HPR: variants seen among roughly 807,000 people sequenced by gnomAD.
HPR encodes the protein haptoglobin-related protein, also known as Haptoglobin-related locus.
Under a neutral mutation model 18.5 loss-of-function variants are expected in HPR, and 17 were observed. The ratio of observed to expected loss-of-function variants is 0.92; its 90% CI spans 0.63 to 1.38. HPR has a LOEUF of 1.38. HPR is among the 40% of genes most tolerant of loss of function. HPR has a pLI of 0.00. For synonymous variants in HPR, 176 were observed against 165.0 expected, an observed-to-expected ratio of 1.07 and a Z score of -0.51; for missense variants, 457 against 432.4, an observed-to-expected ratio of 1.06 and a Z score of -0.51.
rs1177485827 is a variant in HPR, at chr16:72,076,750, A to G, written c.716A>G (p.Lys239Arg). ...AACTTTAAACTTACTGACCATCTGAAGTATGTCATGCTGCCTGTGGCTGAC... is the reference window on the plus strand; with the variant it reads ...AACTTTAAACTTACTGACCATCTGAGGTATGTCATGCTGCCTGTGGCTGAC... ...SDNFKLTDHL[K>R]YVMLPVADQY... is the part of the protein sequence containing the mutation. Residue 239 changes from lysine to arginine, a missense_variant, in exon 5 of 5, where the codon AAG (lysine) becomes AGG (arginine). Coordinates refer to ENST00000540303, the MANE Select transcript of HPR (RefSeq NM_020995.4). 2 of 1,614,190 alleles carry G rather than the reference A, an allele frequency of 1.2e-6. No individual in the cohort carries two copies. Among genetic ancestry groups the G allele is most frequent in the African/African-American group, 1.3e-5 (1 of 75,062 alleles).
chr16:72,069,931 T>C (rs1256253485), intron 1 of HPR, among the ~76,000 whole-genome samples: 10 of 152,206 alleles, frequency 6.6e-5, no homozygotes, highest in South Asian at 2.1e-4. Context: ...ATTGAAAACA[T>C]TGTACCCAGA....
Position 72,075,164 on chromosome 16 carries a change from T to C in HPR, c.213T>C (p.Asp71=). 5 of 1,399,260 alleles carry C rather than the reference T, an allele frequency of 3.6e-6. No individual in the cohort carries two copies. The South Asian group carries it at 6.1e-5, about 17-fold the overall frequency. 86.7% of individuals were successfully genotyped at this position (1,399,260 alleles called of 1,614,324 possible). The change falls in exon 4 of 5, where the codon GAT becomes GAC. Residue 71 remains aspartate (D), a synonymous_variant. Transcript: ENST00000540303. ...TEGDGVYTLN[D]KKQWINKAVG... Reference sequence around the variant, plus strand: ...TTTCAGGAGTATACACCTTAAATGATAAGAAGCAGTGGATAAATAAGGCTG... The same window carrying C: ...TTTCAGGAGTATACACCTTAAATGACAAGAAGCAGTGGATAAATAAGGCTG...
At chr16:72,072,757 G>A (rs552617736) in intron 1 of HPR, among the ~76,000 whole-genome samples, 4 of 152,132 alleles carry the variant, frequency 2.6e-5, no homozygotes, top group Admixed American at 6.5e-5. Flanking sequence ...CCTCCTCCTC[G>A]TTCCAGTGAG....
rs534386727 is a variant in HPR at position 72,074,418 on chromosome 16, C to G, written c.193+33C>G. The G allele has an allele frequency of 6.9e-5, 105 of 1,513,072 alleles. 1 individual carries two copies. In the South Asian group the frequency reaches 8.0e-4, roughly 12 times the overall value. 93.7% of individuals were successfully genotyped at this position (1,513,072 alleles called of 1,614,324 possible). A position where few individuals can be genotyped will look rare whatever the true frequency, so the allele number is the denominator to read the frequency against. On this transcript the variant is annotated intron_variant, in intron 3 of 4. Coordinates refer to ENST00000540303, the MANE Select transcript of HPR (RefSeq NM_020995.4). The stretch of plus-strand genomic sequence containing the variant: ...CTGGACAACTATCTCTGTGCTCTAC[C>G]TACAACCCCTGCTCTGACATTTCCA...
At chr16:72,073,745 T>C in intron 1 of HPR, 147 bp from the exon 2 acceptor site, 2 of 1,569,604 alleles carry the variant, frequency 1.3e-6, no homozygotes, top group Non-Finnish European at 1.7e-6. Context: ...GATTTTCTTT[T>C]CTGGCTGCTT....
intron 1 of HPR, among the ~76,000 whole-genome samples, chr16:72,072,790 G>A (rs774113698): frequency 2.0e-5 from 3 of 152,026 alleles, no homozygotes; most frequent in Non-Finnish European, 4.4e-5. Context: ...GAAGACCCAA[G>A]TAGAATAACA....
chr16:72,073,486 T>A (rs1481480072), intron 1 of HPR, among the ~76,000 whole-genome samples: 1 of 152,124 alleles, frequency 6.6e-6, no homozygotes, highest in Non-Finnish European at 1.5e-5. Flanking sequence ...ATTAGAAGTA[T>A]CTTTGGGGTG....
chr16:72,073,381 T>C (rs922304991), intron 1 of HPR, among the ~76,000 whole-genome samples: 4 of 152,320 alleles, frequency 2.6e-5, no homozygotes, highest in East Asian at 1.9e-4. Flanking sequence ...TCAACAATTA[T>C]ATATTTAAGG....
chr16:72,074,835 G>A (rs986857145), intron 3 of HPR: 1 of 646,722 alleles, frequency 1.5e-6, no homozygotes, highest in Non-Finnish European at 2.8e-6. Flanking sequence ...GACAGGTTGA[G>A]TATCTTGCCC....
At chr16:72,074,072 A>G (rs1414574323) in intron 2 of HPR, 95 bp downstream of exon 2, 1 of 1,527,130 alleles carries the variant, frequency 6.5e-7, no homozygotes, top group Non-Finnish European at 9.0e-7. Context: ...GAGAACACAC[A>G]GTTCCCCATT....
intron 1 of HPR, among the ~76,000 whole-genome samples, chr16:72,071,571 G>C (rs2041656093): frequency 6.6e-6 from 1 of 152,186 alleles, no homozygotes; most frequent in Admixed American, 6.5e-5. Flanking sequence ...TTTACTTTGT[G>C]TCTCTCACAA....
chr16:72,074,341 GCTACCAGTGTAAGAA>G lies in HPR; in HGVS notation c.154_168del (p.Gln52_Tyr56del). On this transcript the variant is annotated inframe_deletion, in exon 3 of 5. Transcript: ENST00000540303. ...AATGGCTATGTGGAGCACTTGTTTC[GCTACCAGTGTAAGAA>G]CTACTACAGACTGCGCACAGAAGGA... 1 of 1,614,012 alleles carries G rather than the reference GCTACCAGTGTAAGAA, an allele frequency of 6.2e-7. No individual in the cohort carries two copies. Among genetic ancestry groups the G allele is most frequent in the Non-Finnish European group, 8.5e-7 (1 of 1,179,978 alleles).
chr16:72,065,307 T>C (rs2144059924), intron 1 of HPR, among the ~76,000 whole-genome samples: 1 of 152,048 alleles, frequency 6.6e-6, no homozygotes, highest in South Asian at 2.1e-4. Context: ...AAATCTCTAA[T>C]ACGAGGGATT....
chr16:72,066,677 G>C (rs1218684060), intron 1 of HPR, among the ~76,000 whole-genome samples: 1 of 152,084 alleles, frequency 6.6e-6, no homozygotes, highest in Non-Finnish European at 1.5e-5. Flanking sequence ...GATCCCCTTG[G>C]GCAAAGGATG....
Position 72,076,917 on chromosome 16 carries a change from G to T in HPR, c.883G>T (p.Gly295Cys). The T allele has an allele frequency of 6.2e-7, 1 of 1,614,232 alleles. No homozygotes were observed. The highest frequency in any genetic ancestry group is 8.5e-7 in the Non-Finnish European group (1 of 1,180,042). The change falls in exon 5 of 5, where the codon GGC becomes TGC. Residue 295 changes from glycine to cysteine, a missense_variant. Coordinates refer to ENST00000540303, the MANE Select transcript of HPR (RefSeq NM_020995.4). ...TAAGTACCAGGAAGACACCTGCTATGGCGATGCGGGCAGTGCCTTTGCCGT... is the reference window on the plus strand; with the variant it reads ...TAAGTACCAGGAAGACACCTGCTATTGCGATGCGGGCAGTGCCTTTGCCGT... ...MSKYQEDTCYGDAGSAFAVHD... is the reference protein window; with the variant it reads ...MSKYQEDTCYCDAGSAFAVHD...
In HPR at chr16:72,074,277, T is replaced by A; in HGVS notation, c.92-7T>A. The stretch of plus-strand genomic sequence containing the variant: ...TGGTAAACTCTCTGGCTTCTCTCTC[T>A]TTGCAGATGACCGCTTCCCGAAGCC... On this transcript the variant is annotated splice_region_variant and splice_polypyrimidine_tract_variant and intron_variant, in intron 2 of 4. Coordinates refer to ENST00000540303, the MANE Select transcript of HPR (RefSeq NM_020995.4). 6.2e-7 allele frequency: 1 copy of A among 1,612,354 alleles called. No homozygotes were observed.
intron 4 of HPR, among the ~76,000 whole-genome samples, chr16:72,075,474 G>GC (rs1450399291): frequency 6.6e-6 from 1 of 152,254 alleles, no homozygotes; most frequent in African/African-American, 2.4e-5. Flanking sequence ...GATCAGGAGA[G>GC]CCTGTGCATA....
At chr16:72,065,611 G>A (rs2041589720) in intron 1 of HPR, among the ~76,000 whole-genome samples, 1 of 152,138 alleles carries the variant, frequency 6.6e-6, no homozygotes, top group South Asian at 2.1e-4. Context: ...TTGGACCCAA[G>A]GTCCCATCCT....
At chr16:72,071,620 A>G (rs1429434118) in intron 1 of HPR, among the ~76,000 whole-genome samples, 8 of 152,170 alleles carry the variant, frequency 5.3e-5, no homozygotes. Flanking sequence ...CCTTAATGGG[A>G]TGCAGTGAGC....
Sources: gnomAD v4.1 joint callset for allele counts (sites outside exome capture counted in the v4.1 genomes callset) on GRCh38, gnomAD v4.1.1 for gene constraint, MANE v1.5 for transcripts, NCBI Gene and HGNC (gene_info 2026-07-23, HGNC 2026-07-21) for gene names.